UNC5C: variants seen among roughly 807,000 people sequenced by gnomAD.
UNC5C encodes the protein netrin receptor UNC5C.
UNC5C carries 47 observed loss-of-function variants against 99.8 expected under a neutral mutation model. That is an observed-to-expected ratio of 0.47 (90% confidence interval 0.37 to 0.60). The LOEUF is 0.60. Among genes scored for constraint, UNC5C ranks in the 20% least tolerant of loss-of-function variants. UNC5C has a pLI of 0.00. For synonymous variants in UNC5C, 487 were observed against 452.2 expected, an observed-to-expected ratio of 1.08 and a Z score of -0.98; for missense variants, 1,062 against 1,165.9, an observed-to-expected ratio of 0.91 and a Z score of 1.30.
intron 1 of UNC5C, among the ~76,000 whole-genome samples, chr4:95,393,406 A>G (rs1295220152): frequency 6.6e-6 from 1 of 152,180 alleles, no homozygotes; most frequent in African/African-American, 2.4e-5. Context: ...TATCAAGTAA[A>G]GAGGCAAAAG....
intron 1 of UNC5C, among the ~76,000 whole-genome samples, chr4:95,464,102 G>A (rs568270520): frequency 2.6e-5 from 4 of 152,260 alleles, no homozygotes; most frequent in Admixed American, 6.5e-5. Context: ...TTTCTATTAC[G>A]TAACAGAAAG....
chr4:95,447,727 G>T (rs1022506168), intron 1 of UNC5C, among the ~76,000 whole-genome samples: 1 of 152,046 alleles, frequency 6.6e-6, no homozygotes, highest in East Asian at 1.9e-4. Context: ...TCTCAAACTC[G>T]TGATCTCAGG....
At chr4:95,169,721 A>G (rs539940110) in intron 15 of UNC5C, among the ~76,000 whole-genome samples, 4 of 151,018 alleles carry the variant, frequency 2.6e-5, no homozygotes, top group South Asian at 2.1e-4. Context: ...GTCATGCCAC[A>G]TGTTATGTTT....
intron 4 of UNC5C, among the ~76,000 whole-genome samples, chr4:95,263,855 A>G (rs1740335911): frequency 6.6e-6 from 1 of 152,206 alleles, no homozygotes. Context: ...TTCTTCACAT[A>G]GTAAATAATT....
chr4:95,385,179 T>C (rs77703246), intron 1 of UNC5C, among the ~76,000 whole-genome samples: 2,031 of 152,248 alleles, frequency 0.013, 36 homozygotes, highest in African/African-American at 0.047. Flanking sequence ...AAAAAAACTT[T>C]TCATGCTCAT....
intron 1 of UNC5C, among the ~76,000 whole-genome samples, chr4:95,377,572 T>C (rs1211347270): frequency 6.6e-6 from 1 of 152,180 alleles, no homozygotes; most frequent in East Asian, 1.9e-4. Flanking sequence ...CATTGGCAAG[T>C]ATCTCTGTGT....
chr4:95,237,514 A>T (rs1046795981), intron 7 of UNC5C, among the ~76,000 whole-genome samples: 5 of 152,214 alleles, frequency 3.3e-5, no homozygotes, highest in African/African-American at 1.2e-4. Flanking sequence ...AAAGAAATAG[A>T]TTTCTAACAT....
chr4:95,403,888 G>A (rs1056696410), intron 1 of UNC5C, among the ~76,000 whole-genome samples: 8 of 152,156 alleles, frequency 5.3e-5, no homozygotes, highest in Non-Finnish European at 8.8e-5. Flanking sequence ...CAGATGGATC[G>A]TTTTCCAGCC....
At chr4:95,415,260 C>A (rs556620616) in intron 1 of UNC5C, among the ~76,000 whole-genome samples, 36 of 152,268 alleles carry the variant, frequency 2.4e-4, no homozygotes, top group African/African-American at 8.7e-4. Context: ...CTCCTACTTT[C>A]TTCTTTTAGT....
intron 2 of UNC5C, among the ~76,000 whole-genome samples, chr4:95,329,812 G>A (rs186287915): frequency 3.3e-5 from 5 of 152,142 alleles, no homozygotes; most frequent in Admixed American, 6.5e-5. Flanking sequence ...ATTTAATAAT[G>A]CCTTCCTGTA....
At chr4:95,324,948 T>C (rs1742833032) in intron 2 of UNC5C, among the ~76,000 whole-genome samples, 1 of 152,264 alleles carries the variant, frequency 6.6e-6, no homozygotes, top group Non-Finnish European at 1.5e-5. Flanking sequence ...GACTTAACAC[T>C]TTCTCCAAAA....
At position 95,314,665 on chromosome 4, in the gene UNC5C, C is replaced by T. The variant is rs549510499; in HGVS notation, c.347-12916G>A. Among the ~76,000 whole-genome samples the T allele has an allele frequency of 4.0e-4, 61 of 152,252 alleles. 2 individuals are homozygous for T. The South Asian group carries it at 0.012, about 31-fold the overall frequency. ...GTATAATCATGTCTTCTGGAGGCTTCCTTCACTTTCCAACTAGAATGTGAG... is the reference window on the plus strand; with the variant it reads ...GTATAATCATGTCTTCTGGAGGCTTTCTTCACTTTCCAACTAGAATGTGAG... On this transcript the variant is annotated intron_variant, in intron 2 of 15. Coordinates refer to ENST00000453304, the MANE Select transcript of UNC5C (RefSeq NM_003728.4).
chr4:95,220,942 G>A (rs1738448236), intron 7 of UNC5C, among the ~76,000 whole-genome samples: 1 of 152,124 alleles, frequency 6.6e-6, no homozygotes, highest in Non-Finnish European at 1.5e-5. Flanking sequence ...GTGCACTAAG[G>A]AAGACAAAGG....
At chr4:95,548,557 AATT>A (rs1198591878) in intron 1 of UNC5C, among the ~76,000 whole-genome samples, 174 bp downstream of exon 1, 5 of 149,964 alleles carry the variant, frequency 3.3e-5, no homozygotes, top group Non-Finnish European at 5.9e-5. Context: ...TAATAATAAT[AATT>A]ATTATTATTA....
intron 1 of UNC5C, among the ~76,000 whole-genome samples, chr4:95,398,604 T>C (rs1206707264): frequency 1.3e-5 from 2 of 152,196 alleles, no homozygotes; most frequent in African/African-American, 4.8e-5. Flanking sequence ...TTTTAATTAC[T>C]AGGTTAGACA....
chr4:95,222,203 A>AACTT (rs1345933462), intron 7 of UNC5C: 1 of 1,496,126 alleles, frequency 6.7e-7, no homozygotes, highest in East Asian at 2.5e-5. Flanking sequence ...CCAAACATCA[A>AACTT]ACTTACAAGA....
intron 9 of UNC5C, 26 bp from the exon 10 acceptor site, chr4:95,216,237 CATTTA>C (rs1412503037): frequency 1.9e-6 from 3 of 1,588,298 alleles, no homozygotes; most frequent in African/African-American, 1.3e-5. Flanking sequence ...GAAAAGCAGT[CATTTA>C]AGACTTTTGC....
intron 1 of UNC5C, among the ~76,000 whole-genome samples, chr4:95,368,306 A>AAAG (rs1385599279): frequency 6.6e-6 from 1 of 151,920 alleles, no homozygotes; most frequent in Non-Finnish European, 1.5e-5. Context: ...TGAAAAAAAA[A>AAAG]AAAACCAATC....
intron 1 of UNC5C, among the ~76,000 whole-genome samples, chr4:95,497,533 G>A (rs1056868160): frequency 6.6e-5 from 10 of 151,840 alleles, no homozygotes; most frequent in African/African-American, 2.4e-4. Flanking sequence ...TCTTCACGCT[G>A]TGTAGATAAG....
Sources: gnomAD v4.1 joint callset for allele counts (sites outside exome capture counted in the v4.1 genomes callset) on GRCh38, gnomAD v4.1.1 for gene constraint, MANE v1.5 for transcripts, NCBI Gene and HGNC (gene_info 2026-07-23, HGNC 2026-07-21) for gene names.